SCIN: variants seen among roughly 807,000 people sequenced by gnomAD.
The protein encoded by SCIN is scinderin.
In SCIN, 91 loss-of-function variants were observed where a neutral mutation model predicts 91.8. The ratio of observed to expected loss-of-function variants is 0.99; its 90% confidence interval spans 0.84 to 1.18. The LOEUF is 1.18. SCIN is among the 50% of genes most tolerant of loss of function. The pLI is 0.00. For missense variants in SCIN, 1,087 were observed against 863.9 expected (o/e 1.26, Z -3.24); for synonymous variants, 367 against 312.6 (o/e 1.17, Z -1.84).
At chr7:12,611,585 T>C (rs903380274) in intron 4 of SCIN, among the ~76,000 whole-genome samples, 6 of 152,196 alleles carry the variant, frequency 3.9e-5, no homozygotes, top group African/African-American at 1.4e-4. Flanking sequence ...TGACCTTTGA[T>C]TAGATAAATC....
intron 4 of SCIN, among the ~76,000 whole-genome samples, chr7:12,618,830 G>T (rs1368394529): frequency 6.6e-6 from 1 of 152,064 alleles, no homozygotes; most frequent in Non-Finnish European, 1.5e-5. Flanking sequence ...GTTCATTCTT[G>T]GAACCTGTGA....
intron 3 of SCIN, chr7:12,595,696 G>A (rs191760298): frequency 6.6e-6 from 1 of 152,288 alleles, no homozygotes; most frequent in Non-Finnish European, 1.5e-5. Flanking sequence ...GTTTTTTAAA[G>A]TACTGGTAAC....
chr7:12,599,201 A>G (rs77769673), intron 3 of SCIN, among the ~76,000 whole-genome samples: 6,619 of 152,252 alleles, frequency 0.043, 213 homozygotes, highest in Non-Finnish European at 0.065. Context: ...GTAAAAAGAA[A>G]ACTTGACTTT....
chr7:12,604,155 A>G (rs1783022755), intron 3 of SCIN, among the ~76,000 whole-genome samples: 1 of 152,228 alleles, frequency 6.6e-6, no homozygotes, highest in African/African-American at 2.4e-5. Context: ...TGTTATATCC[A>G]TTTTATGATC....
At chr7:12,586,451 GCCGAGAAAAGGGAACTCT>G (rs1439451106) in intron 3 of SCIN, among the ~76,000 whole-genome samples, 1 of 152,116 alleles carries the variant, frequency 6.6e-6, no homozygotes, top group African/African-American at 2.4e-5. Context: ...TCATGAGGAT[GCCGAGAAAAGGGAACTCT>G]TATACGCTGT....
At chr7:12,621,330 C>G (rs1783402793) in intron 4 of SCIN, among the ~76,000 whole-genome samples, 1 of 152,032 alleles carries the variant, frequency 6.6e-6, no homozygotes, top group Admixed American at 6.6e-5. Context: ...TTGCTAAATC[C>G]CTTGGGTTCA....
At chr7:12,634,960 G>A (rs900172724) in intron 9 of SCIN, among the ~76,000 whole-genome samples, 3 of 152,042 alleles carry the variant, frequency 2.0e-5, no homozygotes, top group Non-Finnish European at 2.9e-5. Flanking sequence ...GCCGAGGCGG[G>A]TGGATCACCT....
At chr7:12,642,380 T>G (rs1030291743) in intron 11 of SCIN, among the ~76,000 whole-genome samples, 2 of 152,118 alleles carry the variant, frequency 1.3e-5, no homozygotes, top group African/African-American at 4.8e-5. Context: ...ATCATTCACT[T>G]TGAACTACAA....
At chr7:12,606,269 C>A (rs1021871465) in intron 4 of SCIN, among the ~76,000 whole-genome samples, 2 of 152,152 alleles carry the variant, frequency 1.3e-5, no homozygotes, top group African/African-American at 4.8e-5. Flanking sequence ...TAGGTGGTAT[C>A]TCTGAGTTTT....
intron 9 of SCIN, among the ~76,000 whole-genome samples, chr7:12,633,140 G>A (rs531642889): frequency 1.3e-5 from 2 of 152,238 alleles, no homozygotes; most frequent in Admixed American, 1.3e-4. Flanking sequence ...ACATAAACAG[G>A]TTAAGTCCAA....
intron 3 of SCIN, among the ~76,000 whole-genome samples, chr7:12,582,881 T>C (rs191073611): frequency 6.6e-6 from 1 of 152,280 alleles, no homozygotes; most frequent in African/African-American, 2.4e-5. Context: ...CTATCTCAAC[T>C]TTCATCTCCA....
intron 3 of SCIN, among the ~76,000 whole-genome samples, chr7:12,584,957 A>C (rs1335782321): frequency 6.6e-6 from 1 of 152,172 alleles, no homozygotes; most frequent in African/African-American, 2.4e-5. Context: ...TCTATTTCCC[A>C]GGAGTAGGAA....
rs547736277 is a variant in SCIN at position 12,624,990 on chromosome 7, G to T, written c.760-20G>T. The T allele has an allele frequency of 6.5e-7, 1 of 1,549,102 alleles. No homozygotes were observed. Among genetic ancestry groups the T allele is most frequent in the Non-Finnish European group, 8.7e-7 (1 of 1,145,932 alleles). ...TATCATCCCCAAATGAAAACATGGA[G>T]GTCATGGTTTTTATATTAGGTTTCA... On this transcript the variant is annotated intron_variant, in intron 5 of 15. Coordinates refer to ENST00000297029, the MANE Select transcript of SCIN (RefSeq NM_001112706.3).
chr7:12,633,549 G>A (rs186699129), intron 9 of SCIN, among the ~76,000 whole-genome samples: 1 of 152,166 alleles, frequency 6.6e-6, no homozygotes, highest in Non-Finnish European at 1.5e-5. Flanking sequence ...TTTGTTCAGG[G>A]TGTCATGAGG....
rs1180812428 is a variant in SCIN at position 12,656,436 on chromosome 7, AATTT to A, written c.*3730_*3733del. On this transcript the variant is annotated 3_prime_UTR_variant, in exon 16 of 16. Transcript: ENST00000297029. ...TTTAAACCTAATTTATTTTAAACCT[AATTT>A]ATTTATTTTAAACATTTATTTTAAA... The A allele has an allele frequency of 2.6e-5, 4 of 152,176 alleles. No individual in the cohort carries two copies. Among genetic ancestry groups the A allele is most frequent in the Admixed American group, 6.5e-5 (1 of 15,274 alleles). The allele number at this position is 152,176 out of a possible 1,614,324, so 9.4% of individuals were successfully genotyped here.
intron 4 of SCIN, among the ~76,000 whole-genome samples, chr7:12,617,188 C>T (rs897640455): frequency 1.3e-5 from 2 of 152,058 alleles, no homozygotes; most frequent in African/African-American, 2.4e-5. Context: ...AAAGATTTGA[C>T]TCTGCATATG....
intron 9 of SCIN, among the ~76,000 whole-genome samples, chr7:12,629,897 TCTAA>T (rs1229801673): frequency 2.0e-5 from 3 of 152,256 alleles, no homozygotes; most frequent in Admixed American, 6.5e-5. Flanking sequence ...TGTGAAATTC[TCTAA>T]CTTTTTATTA....
At chr7:12,618,935 C>T (rs551956329) in intron 4 of SCIN, among the ~76,000 whole-genome samples, 29 of 152,176 alleles carry the variant, frequency 1.9e-4, no homozygotes, top group African/African-American at 7.0e-4. Flanking sequence ...ATATAAAGAG[C>T]TTTGAAGTAG....
At chr7:12,584,166 G>A (rs1173290368) in intron 3 of SCIN, among the ~76,000 whole-genome samples, 1 of 152,182 alleles carries the variant, frequency 6.6e-6, no homozygotes, top group Non-Finnish European at 1.5e-5. Context: ...ATTTTGGGGT[G>A]TGTCAGTAAA....
Sources: allele counts gnomAD v4.1 joint callset (sites outside exome capture counted in the v4.1 genomes callset), GRCh38; gene constraint gnomAD v4.1.1; transcripts MANE v1.5; gene names NCBI Gene and HGNC (gene_info 2026-07-23, HGNC 2026-07-21).